The following BACH2 variants were observed in gnomAD, a reference collection of about 807,000 sequenced individuals.
BACH2 encodes BACH transcriptional regulator 2.
A neutral mutation model predicts 61.8 loss-of-function variants in BACH2; 5 were observed. The observed-to-expected ratio is 0.08, with a 90% CI of 0.04 to 0.17. The LOEUF is 0.17. Ranked by LOEUF, BACH2 falls within the 10% of genes least tolerant of loss-of-function variation. BACH2 has a pLI of 1.00. For missense variants in BACH2, 824 were observed against 1,091.1 expected (o/e 0.76, Z 3.45); for synonymous variants, 446 against 440.1 (o/e 1.01, Z -0.17).
At chr6:89,957,702 A>C (rs1012167274) in intron 6 of BACH2, among the ~76,000 whole-genome samples, 1 of 152,094 alleles carries the variant, frequency 6.6e-6, no homozygotes, top group African/African-American at 2.4e-5. Context: ...CACTATGCCC[A>C]GCTAATTTTT....
At chr6:90,136,303 T>G (rs959569395) in intron 4 of BACH2, among the ~76,000 whole-genome samples, 4 of 152,220 alleles carry the variant, frequency 2.6e-5, no homozygotes, top group Non-Finnish European at 5.9e-5. Context: ...GTGGCTGCTT[T>G]GTGAATGTAA....
chr6:90,239,664 C>T (rs1258542065), intron 3 of BACH2, among the ~76,000 whole-genome samples: 1 of 151,964 alleles, frequency 6.6e-6, no homozygotes, highest in Non-Finnish European at 1.5e-5. Context: ...GTCTATATGA[C>T]TAAGAGATGG....
intron 3 of BACH2, among the ~76,000 whole-genome samples, chr6:90,233,081 G>C (rs1008660438): frequency 6.6e-6 from 1 of 152,200 alleles, no homozygotes; most frequent in Non-Finnish European, 1.5e-5. Flanking sequence ...AGTTCACAGA[G>C]AAGCTGAAGC....
intron 4 of BACH2, among the ~76,000 whole-genome samples, chr6:90,180,852 A>G (rs556365321): frequency 1.6e-4 from 22 of 137,982 alleles, no homozygotes; most frequent in African/African-American, 7.1e-4. Context: ...AAATGGAATT[A>G]TGTGTATTAC....
At chr6:89,948,209 C>A (rs1486115669) in intron 7 of BACH2, among the ~76,000 whole-genome samples, 1 of 151,844 alleles carries the variant, frequency 6.6e-6, no homozygotes, top group Non-Finnish European at 1.5e-5. Context: ...TAATGGCCAG[C>A]CTTTTATTTT....
At chr6:89,938,726 AC>A (rs1284512289) in intron 7 of BACH2, among the ~76,000 whole-genome samples, 4 of 152,204 alleles carry the variant, frequency 2.6e-5, no homozygotes, top group Non-Finnish European at 5.9e-5. Flanking sequence ...ATAGGGAGAT[AC>A]CACATAAGGA....
chr6:90,004,596 G>C (rs1266552328), intron 6 of BACH2, among the ~76,000 whole-genome samples: 1 of 152,178 alleles, frequency 6.6e-6, no homozygotes, highest in Non-Finnish European at 1.5e-5. Flanking sequence ...TGTGGGCTGA[G>C]CATCTTCTAA....
At chr6:89,935,105 G>A (rs1288695467) in intron 8 of BACH2, among the ~76,000 whole-genome samples, 8 of 152,120 alleles carry the variant, frequency 5.3e-5, no homozygotes. Context: ...GGGAGACGGC[G>A]TGGGAGTGGG....
chr6:89,950,074 G>A lies in BACH2; in HGVS notation c.1836+196C>T. 1.5e-6 allele frequency: 1 copy of A among 646,692 alleles called. No individual in the cohort carries two copies. The highest frequency in any genetic ancestry group is 2.7e-6 in the Non-Finnish European group (1 of 368,726). 40.1% of individuals were successfully genotyped at this position (646,692 alleles called of 1,614,324 possible). ...TTGAGATCCAGATCAAATATCAAGT[G>A]CTTTTCTAGGACAGAAGTGGTTAAT... On this transcript the variant is annotated intron_variant, in intron 7 of 8. Transcript: ENST00000257749. The surrounding 1 kb of genome is among the most constrained non-coding windows in gnomAD (Gnocchi z 5.3).
At chr6:89,975,040 C>T (rs1178628701) in intron 6 of BACH2, among the ~76,000 whole-genome samples, 4 of 152,058 alleles carry the variant, frequency 2.6e-5, no homozygotes, top group Non-Finnish European at 4.4e-5. Flanking sequence ...ACAGCTGTAG[C>T]GAGCCAGGAT....
rs114766650 is a variant in BACH2 at position 90,098,369 on chromosome 6, T to C, written c.-161-9260A>G. Among the ~76,000 whole-genome samples the C allele has an allele frequency of 6.2e-3, 929 of 150,502 alleles. 12 individuals are homozygous for C. The highest frequency in any genetic ancestry group is 0.021 in the African/African-American group (849 of 40,932). On this transcript the variant is annotated intron_variant, in intron 4 of 8. Transcript: ENST00000257749. Reference sequence around the variant, plus strand: ...TAATCCCCTAACAAGTTCTATCAAATGCCAGGACAGAATCAGACAGCACTG... The same window carrying C: ...TAATCCCCTAACAAGTTCTATCAAACGCCAGGACAGAATCAGACAGCACTG...
At chr6:90,211,126 C>CAA (rs3072672) in intron 3 of BACH2, among the ~76,000 whole-genome samples, 2,109 of 44,792 alleles carry the variant, frequency 0.047, 216 homozygotes, top group African/African-American at 0.097. Context: ...GACTCCATCT[C>CAA]AAAAAAAAAA....
chr6:90,216,142 G>C (rs2127853775), intron 3 of BACH2, among the ~76,000 whole-genome samples: 1 of 152,358 alleles, frequency 6.6e-6, no homozygotes, highest in South Asian at 2.1e-4. Context: ...GCCACAGAAA[G>C]CAGTTCCAGC....
chr6:90,036,609 AT>A (rs1383786633), intron 5 of BACH2, among the ~76,000 whole-genome samples: 1 of 152,114 alleles, frequency 6.6e-6, no homozygotes, highest in Non-Finnish European at 1.5e-5. Flanking sequence ...TATCCATCAG[AT>A]TTTTTTCAAA....
At position 90,049,972 on chromosome 6, in the gene BACH2, T is replaced by C. The variant is rs61246723; in HGVS notation, c.-13+38989A>G. Among the ~76,000 whole-genome samples the C allele has an allele frequency of 6.0e-3, 908 of 152,304 alleles. 52 individuals carry two copies. The East Asian group carries it at 0.14, about 23-fold the overall frequency. ...GCATTTGGGAGACATTTTCTTGAAATTGAACAAGGTGAGTGAGCTGTCACT... is the reference window on the plus strand; with the variant it reads ...GCATTTGGGAGACATTTTCTTGAAACTGAACAAGGTGAGTGAGCTGTCACT... On this transcript the variant is annotated intron_variant, in intron 5 of 8. Transcript: ENST00000257749.
At chr6:90,012,931 G>A (rs1777805793) in intron 5 of BACH2, among the ~76,000 whole-genome samples, 1 of 152,102 alleles carries the variant, frequency 6.6e-6, no homozygotes, top group African/African-American at 2.4e-5. Context: ...TGGGATTACA[G>A]GTGTGAACCA....
chr6:90,112,834 A>G (rs1020311655), intron 4 of BACH2, among the ~76,000 whole-genome samples: 3 of 152,142 alleles, frequency 2.0e-5, no homozygotes, highest in Admixed American at 1.3e-4. Context: ...GCAAGACCCA[A>G]TGGTATGTGG....
At chr6:90,279,702 T>C (rs1771802261) in intron 1 of BACH2, among the ~76,000 whole-genome samples, 1 of 152,290 alleles carries the variant, frequency 6.6e-6, no homozygotes, top group Non-Finnish European at 1.5e-5. Flanking sequence ...CTCACAGCCT[T>C]AAAGAACATC....
chr6:89,950,328 G>A lies in BACH2; in HGVS notation c.1778C>T (p.Ser593Phe), dbSNP rs1206260218. 6.2e-7 allele frequency: 1 copy of A among 1,614,142 alleles called. No individual in the cohort carries two copies. Among genetic ancestry groups the A allele is most frequent in the Non-Finnish European group, 8.5e-7 (1 of 1,180,044 alleles). Residue 593 changes from serine to phenylalanine, a missense_variant, in exon 7 of 9, where the codon TCC (serine) becomes TTC (phenylalanine). By Grantham distance (155) the Ser-to-Phe change is radical. Around this residue, in one of 8 missense-constraint regions of BACH2, gnomAD observed 160 missense variants for 283.5 expected, o/e 0.56. Transcript: ENST00000257749. This position sits in a 1 kb window ranked among gnomAD's most constrained non-coding sequence, Gnocchi z 5.3. ...ACTGTCTGCTTCCGAGAACGATCCGGATTCGTCACTGGAGTTGGTTCCATA... is the reference window on the plus strand; with the variant it reads ...ACTGTCTGCTTCCGAGAACGATCCGAATTCGTCACTGGAGTTGGTTCCATA... ...QSYGTNSSDE[S>F]GSFSEADSES...
Sources: gnomAD v4.1 joint callset for allele counts (sites outside exome capture counted in the v4.1 genomes callset) on GRCh38, gnomAD v4.1.1 for gene constraint, gnomAD v4.1.1 regional missense constraint, Gnocchi (gnomAD v3.1) non-coding constraint, MANE v1.5 for transcripts, NCBI Gene and HGNC (gene_info 2026-07-23, HGNC 2026-07-21) for gene names.